NR5A2: variants seen among roughly 807,000 people sequenced by gnomAD.
NR5A2 encodes CYP7A promoter-binding factor.
A neutral mutation model predicts 62.7 loss-of-function variants in NR5A2; 26 were observed. That is an observed-to-expected ratio of 0.41 (90% CI 0.30 to 0.58). The LOEUF (loss-of-function observed/expected upper bound fraction) is 0.58. Ranked by LOEUF, NR5A2 falls within the 20% of genes least tolerant of loss-of-function variation. The pLI is 0.22. For synonymous variants in NR5A2, 246 were observed against 241.7 expected, an observed-to-expected ratio of 1.02 and a Z score of -0.16; for missense variants, 541 against 669.1, an observed-to-expected ratio of 0.81 and a Z score of 2.11.
intron 7 of NR5A2, among the ~76,000 whole-genome samples, chr1:200,132,348 C>T (rs1667002813): frequency 1.3e-5 from 2 of 152,122 alleles, no homozygotes; most frequent in African/African-American, 2.4e-5. Flanking sequence ...GAGAAGGAAA[C>T]TCCTGTGATA....
chr1:200,152,104 T>A (rs977032282), intron 7 of NR5A2, among the ~76,000 whole-genome samples: 28 of 152,326 alleles, frequency 1.8e-4, no homozygotes, highest in Non-Finnish European at 2.8e-4. Flanking sequence ...AAATTGAGAC[T>A]GCTGAAAAAG....
intron 6 of NR5A2, among the ~76,000 whole-genome samples, chr1:200,119,984 T>C (rs1267397353): frequency 1.3e-5 from 2 of 152,146 alleles, no homozygotes; most frequent in Non-Finnish European, 2.9e-5. Flanking sequence ...ATTATTCTCC[T>C]AAATAAAGTT....
intron 7 of NR5A2, among the ~76,000 whole-genome samples, chr1:200,169,058 G>A (rs923683150): frequency 3.3e-5 from 5 of 151,708 alleles, no homozygotes; most frequent in South Asian, 2.1e-4. Context: ...AAACCAGCTC[G>A]CACCTGTAAT....
intron 5 of NR5A2, among the ~76,000 whole-genome samples, chr1:200,095,842 G>A (rs555085677): frequency 2.5e-4 from 38 of 152,120 alleles, no homozygotes; most frequent in South Asian, 1.0e-3. Context: ...GTGAGCCCCC[G>A]CGCCCGGCCA....
chr1:200,122,054 G>A (rs1666502572), intron 7 of NR5A2, among the ~76,000 whole-genome samples: 1 of 152,096 alleles, frequency 6.6e-6, no homozygotes. Flanking sequence ...TCATATTTTG[G>A]AAAATGTGAT....
chr1:200,052,376 G>A (rs1662677255), intron 5 of NR5A2, among the ~76,000 whole-genome samples: 1 of 152,048 alleles, frequency 6.6e-6, no homozygotes, highest in Non-Finnish European at 1.5e-5. Context: ...GTAGAGACAG[G>A]GGTCTCACTC....
intron 2 of NR5A2, among the ~76,000 whole-genome samples, chr1:200,043,361 G>C (rs558657191): frequency 1.2e-3 from 178 of 152,324 alleles, no homozygotes; most frequent in African/African-American, 4.1e-3. Flanking sequence ...CTTCAAGAGG[G>C]AGGGAATAAA....
chr1:200,062,407 C>A (rs1260366742), intron 5 of NR5A2, among the ~76,000 whole-genome samples: 2 of 152,280 alleles, frequency 1.3e-5, no homozygotes, highest in East Asian at 3.9e-4. Context: ...TGCTTCTTCA[C>A]CACACATCTT....
intron 5 of NR5A2, among the ~76,000 whole-genome samples, chr1:200,081,597 T>A (rs1488291182): frequency 2.0e-5 from 3 of 152,200 alleles, no homozygotes; most frequent in Non-Finnish European, 4.4e-5. Flanking sequence ...CATTTGCAGT[T>A]GGACAAAATG....
chr1:200,094,376 A>G (rs1311483146), intron 5 of NR5A2, among the ~76,000 whole-genome samples: 1 of 150,764 alleles, frequency 6.6e-6, no homozygotes, highest in African/African-American at 2.4e-5. Flanking sequence ...GTAGAGATGG[A>G]GTTTCACCAT....
chr1:200,052,741 A>G (rs1425745647), intron 5 of NR5A2, among the ~76,000 whole-genome samples: 1 of 151,802 alleles, frequency 6.6e-6, no homozygotes, highest in African/African-American at 2.4e-5. Context: ...TCTTGGGTTC[A>G]CGCCATTCTC....
chr1:200,141,919 T>A (rs1186442093), intron 7 of NR5A2, among the ~76,000 whole-genome samples: 1 of 152,166 alleles, frequency 6.6e-6, no homozygotes, highest in Non-Finnish European at 1.5e-5. Flanking sequence ...GGTGTCTGAG[T>A]ATACCGGAAG....
chr1:200,157,178 A>C (rs961647786), intron 7 of NR5A2, among the ~76,000 whole-genome samples: 1 of 152,236 alleles, frequency 6.6e-6, no homozygotes, highest in Non-Finnish European at 1.5e-5. Flanking sequence ...CACATTTAAA[A>C]GATTAGGAAA....
At chr1:200,104,120 T>C (rs1665529509) in intron 5 of NR5A2, among the ~76,000 whole-genome samples, 2 of 152,114 alleles carry the variant, frequency 1.3e-5, no homozygotes, top group Admixed American at 1.3e-4. Context: ...GAAGTGTTGA[T>C]AGATAGGACT....
intron 7 of NR5A2, among the ~76,000 whole-genome samples, chr1:200,125,972 C>T (rs1666682480): frequency 6.6e-6 from 1 of 152,082 alleles, no homozygotes; most frequent in African/African-American, 2.4e-5. Context: ...CCTCAGCCTC[C>T]TGAGTAGCTG....
intron 5 of NR5A2, among the ~76,000 whole-genome samples, chr1:200,094,238 G>A (rs1215759880): frequency 6.6e-6 from 1 of 150,394 alleles, no homozygotes; most frequent in African/African-American, 2.4e-5. Flanking sequence ...AGGCTGGAGT[G>A]CAGTGACGCC....
intron 5 of NR5A2, among the ~76,000 whole-genome samples, chr1:200,066,586 A>ATTTTTTTTTTTTTTT (rs1663480896): frequency 2.3e-5 from 2 of 87,770 alleles, no homozygotes; most frequent in Non-Finnish European, 4.3e-5. Context: ...TTAATTAATT[A>ATTTTTTTTTTTTTTT]TCTTTTTTTT....
chr1:200,091,971 A>T (rs1664838445), intron 5 of NR5A2, among the ~76,000 whole-genome samples: 1 of 152,198 alleles, frequency 6.6e-6, no homozygotes, highest in South Asian at 2.1e-4. Context: ...TCAGCTTGTT[A>T]GACATGTAGA....
At chr1:200,107,936 T>C (rs1444087637) in intron 5 of NR5A2, among the ~76,000 whole-genome samples, 1 of 151,888 alleles carries the variant, frequency 6.6e-6, no homozygotes, top group African/African-American at 2.4e-5. Flanking sequence ...CGGCCTCAGA[T>C]TGTTGTCTTA....
Sources: gnomAD v4.1 joint callset for allele counts (sites outside exome capture counted in the v4.1 genomes callset) on GRCh38, gnomAD v4.1.1 for gene constraint, MANE v1.5 for transcripts, NCBI Gene and HGNC (gene_info 2026-07-23, HGNC 2026-07-21) for gene names.